The following CDH18 variants were observed in gnomAD, a reference collection of about 807,000 sequenced individuals.
CDH18 encodes the protein cadherin 18.
A neutral mutation model predicts 67.9 loss-of-function variants in CDH18; 31 were observed. That is an observed-to-expected ratio of 0.46 (90% confidence interval 0.34 to 0.62). The LOEUF (loss-of-function observed/expected upper bound fraction) is 0.62, where lower values mean the gene tolerates loss of function less well. CDH18 is among the 20% of genes least tolerant of loss of function. The probability of loss-of-function intolerance (pLI) is 0.01; values close to 1 mark genes in which losing one functional copy is unlikely to be tolerated. For synonymous variants in CDH18, 362 were observed against 347.2 expected, an observed-to-expected ratio of 1.04 and a Z score of -0.48; for missense variants, 890 against 975.5, an observed-to-expected ratio of 0.91 and a Z score of 1.17.
chr5:19,896,236 G>A (rs1046585013), intron 2 of CDH18, among the ~76,000 whole-genome samples: 3 of 151,996 alleles, frequency 2.0e-5, no homozygotes, highest in Admixed American at 2.0e-4. Context: ...GTGGCAGCCT[G>A]TAATCCCAGC....
chr5:20,424,792 G>C (rs1187160771), intron 1 of CDH18, among the ~76,000 whole-genome samples: 1 of 142,636 alleles, frequency 7.0e-6, no homozygotes, highest in Non-Finnish European at 1.5e-5. Flanking sequence ...CCAAGATGGA[G>C]GAAAACATGG....
intron 1 of CDH18, among the ~76,000 whole-genome samples, chr5:20,397,256 G>A (rs534531278): frequency 3.3e-5 from 5 of 151,928 alleles, no homozygotes; most frequent in Non-Finnish European, 4.4e-5. Context: ...TCAGCCTCCC[G>A]AGTAGCTGGG....
chr5:20,350,296 A>C (rs1741061305), intron 1 of CDH18, among the ~76,000 whole-genome samples: 1 of 152,158 alleles, frequency 6.6e-6, no homozygotes, highest in African/African-American at 2.4e-5. Context: ...AGTATGAATC[A>C]GTGATTTTTA....
At chr5:20,527,749 T>C (rs895058034) in intron 1 of CDH18, among the ~76,000 whole-genome samples, 4 of 152,090 alleles carry the variant, frequency 2.6e-5, no homozygotes, top group African/African-American at 9.7e-5. Flanking sequence ...TTGCAAGAGC[T>C]CCTGTAGAAA....
chr5:19,865,649 G>A (rs1235687554), intron 2 of CDH18, among the ~76,000 whole-genome samples: 1 of 152,056 alleles, frequency 6.6e-6, no homozygotes, highest in African/African-American at 2.4e-5. Context: ...ATGCTCATTA[G>A]CATCTCTGGG....
At chr5:20,495,912 T>A (rs1004867730) in intron 1 of CDH18, among the ~76,000 whole-genome samples, 50 of 152,078 alleles carry the variant, frequency 3.3e-4, no homozygotes, top group African/African-American at 1.1e-3. Flanking sequence ...TCAGGAAGAA[T>A]GGAATACAAC....
At chr5:20,309,556 T>C (rs1196200380) in intron 1 of CDH18, among the ~76,000 whole-genome samples, 1 of 152,250 alleles carries the variant, frequency 6.6e-6, no homozygotes, top group East Asian at 1.9e-4. Context: ...CATTTTTTCC[T>C]ATCAGATGAT....
intron 2 of CDH18, among the ~76,000 whole-genome samples, chr5:20,022,623 T>C (rs1057466981): frequency 3.3e-5 from 5 of 152,142 alleles, no homozygotes; most frequent in African/African-American, 4.8e-5. Flanking sequence ...GATATTATGG[T>C]TTAAAAGAAA....
chr5:20,383,973 T>A (rs1224755279), intron 1 of CDH18, among the ~76,000 whole-genome samples: 1 of 151,906 alleles, frequency 6.6e-6, no homozygotes, highest in Non-Finnish European at 1.5e-5. Context: ...TAAATTCAAG[T>A]CAATAAAAAT....
intron 1 of CDH18, among the ~76,000 whole-genome samples, chr5:20,555,204 G>C (rs897940475): frequency 6.6e-6 from 1 of 151,978 alleles, no homozygotes; most frequent in Non-Finnish European, 1.5e-5. Context: ...TTAAGTCATG[G>C]GAGCATGCAT....
At chr5:20,004,383 G>C (rs1736714018) in intron 2 of CDH18, among the ~76,000 whole-genome samples, 1 of 152,192 alleles carries the variant, frequency 6.6e-6, no homozygotes, top group Admixed American at 6.5e-5. Context: ...AATGCTAAAG[G>C]AGGTCTAAAT....
At chr5:20,425,182 A>G (rs1748196612) in intron 1 of CDH18, among the ~76,000 whole-genome samples, 1 of 150,806 alleles carries the variant, frequency 6.6e-6, no homozygotes, top group Non-Finnish European at 1.5e-5. Flanking sequence ...CCTGACCAAC[A>G]TGGTGAAAGT....
chr5:20,557,092 A>G (rs1757946440), intron 1 of CDH18, among the ~76,000 whole-genome samples: 1 of 152,194 alleles, frequency 6.6e-6, no homozygotes, highest in Admixed American at 6.5e-5. Flanking sequence ...GGAACTTACT[A>G]GTATGTATGT....
chr5:19,657,815 A>C (rs1756606710), intron 5 of CDH18, among the ~76,000 whole-genome samples: 1 of 152,150 alleles, frequency 6.6e-6, no homozygotes, highest in Non-Finnish European at 1.5e-5. Context: ...GGACTAGGTG[A>C]GGAATAGTAA....
chr5:19,831,013 C>A (rs530011534), intron 3 of CDH18, among the ~76,000 whole-genome samples: 10 of 152,002 alleles, frequency 6.6e-5, no homozygotes, highest in Non-Finnish European at 1.5e-4. Context: ...AAGAAGGGGA[C>A]AACAGATACT....
At chr5:19,929,342 C>T (rs528192252) in intron 2 of CDH18, among the ~76,000 whole-genome samples, 1 of 152,168 alleles carries the variant, frequency 6.6e-6, no homozygotes, top group Admixed American at 6.5e-5. Flanking sequence ...TCCATAAGAA[C>T]AGAAGAGCAT....
chr5:20,087,135 G>A (rs1745030088), intron 2 of CDH18, among the ~76,000 whole-genome samples: 1 of 152,112 alleles, frequency 6.6e-6, no homozygotes, highest in East Asian at 1.9e-4. Flanking sequence ...TACACCAGTG[G>A]AGGAAGTAAC....
At chr5:20,150,581 TCTTAA>T (rs1751020776) in intron 2 of CDH18, among the ~76,000 whole-genome samples, 1 of 152,098 alleles carries the variant, frequency 6.6e-6, no homozygotes, top group Admixed American at 6.5e-5. Flanking sequence ...TAGTTTTATT[TCTTAA>T]CTTAGGTGGC....
chr5:19,788,858 T>C (rs1776077284), intron 3 of CDH18, among the ~76,000 whole-genome samples: 1 of 152,206 alleles, frequency 6.6e-6, no homozygotes, highest in Non-Finnish European at 1.5e-5. Context: ...TAGATTCATA[T>C]CCCAGCATTC....
Sources: gnomAD v4.1 joint callset for allele counts (sites outside exome capture counted in the v4.1 genomes callset) on GRCh38, gnomAD v4.1.1 for gene constraint, MANE v1.5 for transcripts, NCBI Gene and HGNC (gene_info 2026-07-23, HGNC 2026-07-21) for gene names.